FRAS1: variants seen among roughly 807,000 people sequenced by gnomAD.
FRAS1 encodes the protein Fraser extracellular matrix complex subunit 1.
FRAS1 carries 290 observed loss-of-function variants against 435.2 expected under a neutral mutation model. That is an observed-to-expected ratio of 0.67 (90% CI 0.61 to 0.73). FRAS1 has a LOEUF of 0.73. Among genes scored for constraint, FRAS1 ranks in the 30% least tolerant of loss-of-function variants. The pLI is 0.00. For synonymous variants in FRAS1, 1,800 were observed against 1,851.0 expected (o/e 0.97, Z 0.71); for missense variants, 4,860 against 5,001.5 (o/e 0.97, Z 0.85).
chr4:78,519,155 C>A (rs1304789985), intron 66 of FRAS1, among the ~76,000 whole-genome samples, 176 bp from the exon 67 acceptor site: 1 of 151,356 alleles, frequency 6.6e-6, no homozygotes, highest in South Asian at 2.1e-4. Flanking sequence ...GCTTTCTATT[C>A]CATTAGTTCC....
chr4:78,246,602 C>T (rs1048577553), intron 4 of FRAS1, among the ~76,000 whole-genome samples: 2 of 152,206 alleles, frequency 1.3e-5, no homozygotes, highest in Non-Finnish European at 2.9e-5. Flanking sequence ...AAAAGTGCCT[C>T]AGGGCAGAGT....
chr4:78,538,993 A>G lies in FRAS1; in HGVS notation c.11299-301A>G, dbSNP rs565057891. Among the ~76,000 whole-genome samples the G allele has an allele frequency of 1.0e-3, 151 of 151,144 alleles. 2 individuals are homozygous for G. Among genetic ancestry groups the G allele is most frequent in the Non-Finnish European group, 1.8e-3 (123 of 67,822 alleles). The stretch of plus-strand genomic sequence containing the variant: ...AAAAAATCAGATCTCATGAGAACCC[A>G]CTCACTATCACAAGAACATCATAGA... On this transcript the variant is annotated intron_variant, in intron 72 of 73. Transcript: ENST00000512123.
chr4:78,538,631 T>G (rs1721955908), intron 72 of FRAS1, among the ~76,000 whole-genome samples: 2 of 151,958 alleles, frequency 1.3e-5, no homozygotes, highest in Admixed American at 1.3e-4. Context: ...CAGCAAGAAG[T>G]GCCGAGCAGA....
intron 2 of FRAS1, among the ~76,000 whole-genome samples, chr4:78,185,673 G>A (rs1362233147): frequency 6.6e-6 from 1 of 152,096 alleles, no homozygotes; most frequent in Non-Finnish European, 1.5e-5. Context: ...CAGTATTTTG[G>A]TTAGCATGTA....
chr4:78,255,319 A>C lies in FRAS1; in HGVS notation c.547A>C (p.Arg183=). The C allele has an allele frequency of 6.3e-7, 1 of 1,575,130 alleles. No individual in the cohort carries two copies. The highest frequency in any genetic ancestry group is 1.3e-5 in the African/African-American group (1 of 74,366). ...GAGCCGGTGTGCCAAATGTCTGTGT[A>C]GAAATGGGGTTGCCCAGTGCTTCAC... ...RLSRCAKCLC[R]NGVAQCFTAQ... Residue 183 remains arginine (R), a synonymous_variant, in exon 6 of 74, where the codon AGA becomes CGA. Coordinates refer to ENST00000512123, the MANE Select transcript of FRAS1 (RefSeq NM_025074.7).
chr4:78,428,997 C>A, intron 35 of FRAS1, 98 bp from the exon 36 acceptor site: 1 of 1,302,120 alleles, frequency 7.7e-7, no homozygotes, highest in South Asian at 1.4e-5. Context: ...TGGAAACTGC[C>A]TGAAGAGGAC....
Position 78,482,399 on chromosome 4 carries a change from G to A in FRAS1, c.8616G>A (p.Leu2872=). 1 of 1,613,808 alleles carries A rather than the reference G, an allele frequency of 6.2e-7. No homozygotes were observed. Among genetic ancestry groups the A allele is most frequent in the Middle Eastern group, 1.7e-4 (1 of 6,054 alleles). The part of the protein sequence containing the change: ...GPGVIEQYCT[L]TILDDTQYPV... ...GGTTTCTCTTCTAGTATTGCACCTT[G>A]ACTATCTTGGATGACACTCAGTATC... Residue 2872 remains leucine (L), a synonymous_variant, in exon 58 of 74, where the codon TTG becomes TTA. Coordinates refer to ENST00000512123, the MANE Select transcript of FRAS1 (RefSeq NM_025074.7).
intron 2 of FRAS1, among the ~76,000 whole-genome samples, chr4:78,130,127 C>T (rs1237844070): frequency 2.6e-5 from 4 of 152,184 alleles, no homozygotes; most frequent in Non-Finnish European, 5.9e-5. Context: ...TCTCCTTGCT[C>T]TTCCTCTCTA....
intron 1 of FRAS1, among the ~76,000 whole-genome samples, chr4:78,059,980 G>A (rs918267678): frequency 1.3e-5 from 2 of 152,094 alleles, no homozygotes; most frequent in Admixed American, 1.3e-4. Flanking sequence ...TACTGTCAGA[G>A]CATTCTATAG....
chr4:78,381,190 A>G (rs1732000805), intron 27 of FRAS1, among the ~76,000 whole-genome samples: 1 of 152,228 alleles, frequency 6.6e-6, no homozygotes, highest in African/African-American at 2.4e-5. Flanking sequence ...TCGAAGGACA[A>G]AAGGTCACTT....
rs1415426314 is a variant in FRAS1 at position 78,448,125 on chromosome 4, T to C, written c.6083T>C (p.Phe2028Ser). The change falls in exon 44 of 74, where the codon TTC becomes TCC. Residue 2028 changes from phenylalanine (F) to serine (S), a missense_variant. Transcript: ENST00000512123. ...AGAGTTTTAGTCCAGGGCTCAACCT[T>C]CACCTACCAGGATATCCTAGCTGGG... Reference protein sequence around the residue: ...NGRVLVQGSTFTYQDILAGLV... With the variant: ...NGRVLVQGSTSTYQDILAGLV... 3 of 1,613,602 alleles carry C rather than the reference T, an allele frequency of 1.9e-6. No individual in the cohort carries two copies. The highest frequency in any genetic ancestry group is 2.7e-5 in the African/African-American group (2 of 74,906).
intron 47 of FRAS1, among the ~76,000 whole-genome samples, chr4:78,456,240 T>C (rs1719199134): frequency 6.9e-6 from 1 of 145,084 alleles, no homozygotes; most frequent in African/African-American, 2.5e-5. Flanking sequence ...GCCTCCCAGA[T>C]CAAGTGATTC....
At position 78,441,148 on chromosome 4, in the gene FRAS1, C is replaced by T. The variant is rs1204271378; in HGVS notation, c.5530-14C>T. Reference sequence around the variant, plus strand: ...GAAATCACCAAGGACTCTCTATGTTCTTTTCTTTCTTAGGTTGATGAGGGA... The same window carrying T: ...GAAATCACCAAGGACTCTCTATGTTTTTTTCTTTCTTAGGTTGATGAGGGA... On this transcript the variant is annotated splice_polypyrimidine_tract_variant and intron_variant, in intron 40 of 73. Transcript: ENST00000512123. 1.2e-6 allele frequency: 2 copies of T among 1,613,340 alleles called. No homozygotes were observed. Among genetic ancestry groups the T allele is most frequent in the Admixed American group, 3.3e-5 (2 of 59,934 alleles).
Position 78,285,694 on chromosome 4 carries a change from A to G in FRAS1, c.1400-711A>G, listed in dbSNP as rs149133204. Among the ~76,000 whole-genome samples, 1,185 of 152,160 alleles carry G rather than the reference A, an allele frequency of 7.8e-3. 8 individuals are homozygous for G. The highest frequency in any genetic ancestry group is 0.012 in the Non-Finnish European group (850 of 68,002). On this transcript the variant is annotated intron_variant, in intron 13 of 73. Transcript: ENST00000512123. ...TGATCCACCCACCTATGCCTCCCAA[A>G]GTGCTGGGATTACAGGTGTGAGCCA...
intron 49 of FRAS1, among the ~76,000 whole-genome samples, chr4:78,465,014 C>T (rs1719484228): frequency 6.6e-6 from 1 of 152,206 alleles, no homozygotes. Context: ...ACAATTTGAG[C>T]CTCCTCAAAG....
At chr4:78,270,405 T>A (rs577819360) in intron 9 of FRAS1, among the ~76,000 whole-genome samples, 2 of 152,288 alleles carry the variant, frequency 1.3e-5, no homozygotes, top group Admixed American at 6.5e-5. Flanking sequence ...GGAAACACTC[T>A]TTTGAGGATA....
intron 14 of FRAS1, 110 bp from the exon 15 acceptor site, chr4:78,307,956 C>A: frequency 7.2e-6 from 8 of 1,116,470 alleles, no homozygotes; most frequent in Non-Finnish European, 1.0e-5. Flanking sequence ...AGTTTAGGAA[C>A]TAAGGAACCA....
At chr4:78,255,168 G>A (rs1725732510) in intron 5 of FRAS1, 74 bp from the exon 6 acceptor site, 1 of 1,463,660 alleles carries the variant, frequency 6.8e-7, no homozygotes, top group Non-Finnish European at 9.4e-7. Flanking sequence ...TGCACTGGCT[G>A]CACGCCCATG....
At chr4:78,481,777 T>C in intron 56 of FRAS1, 27 bp from the exon 57 acceptor site, 1 of 1,613,094 alleles carries the variant, frequency 6.2e-7, no homozygotes, top group Non-Finnish European at 8.5e-7. Context: ...AAGTTGACCA[T>C]TAAAATCTCT....
Sources: gnomAD v4.1 joint callset for allele counts (sites outside exome capture counted in the v4.1 genomes callset) on GRCh38, gnomAD v4.1.1 for gene constraint, MANE v1.5 for transcripts, NCBI Gene and HGNC (gene_info 2026-07-23, HGNC 2026-07-21) for gene names.